SCIN: variants seen among roughly 807,000 people sequenced by gnomAD.
SCIN encodes the protein scinderin.
A neutral mutation model predicts 91.8 loss-of-function variants in SCIN; 91 were observed. The observed-to-expected ratio is 0.99, with a 90% CI of 0.84 to 1.18. The LOEUF (loss-of-function observed/expected upper bound fraction) is 1.18. Among genes scored for constraint, SCIN ranks in the 50% most tolerant of loss-of-function variants. The pLI is 0.00. For missense variants in SCIN, 1,087 were observed against 863.9 expected (o/e 1.26, Z -3.24); for synonymous variants, 367 against 312.6 (o/e 1.17, Z -1.84).
In SCIN at chr7:12,651,868, A is replaced by C. The variant is rs756686880; in HGVS notation, c.1987A>C (p.Asn663His). The C allele has an allele frequency of 6.2e-7, 1 of 1,601,330 alleles. No individual in the cohort carries two copies. The highest frequency in any genetic ancestry group is 8.5e-7 in the Non-Finnish European group (1 of 1,171,566). Residue 663 changes from asparagine to histidine, a missense_variant, in exon 15 of 16, where the codon AAT (asparagine) becomes CAT (histidine). Physicochemically the swap from Asn to His is moderately conservative, Grantham distance 68 (BLOSUM62 1). Coordinates refer to ENST00000297029, the MANE Select transcript of SCIN (RefSeq NM_001112706.3). The surrounding 1 kb of genome is among the most constrained non-coding windows in gnomAD (Gnocchi z 5.9). ...QIFIWIGKDANEVEKKESLKS... is the reference protein window; with the variant it reads ...QIFIWIGKDAHEVEKKESLKS... ...ATTTATTTGGATTGGCAAAGATGCT[A>C]ATGAAGTTGAGAAAAAAGAATCTCT...
At chr7:12,588,841 G>GGGT (rs1782652475) in intron 3 of SCIN, 1 of 100,888 alleles carries the variant, frequency 9.9e-6, no homozygotes. Context: ...GGGTGGGAAG[G>GGGT]GGGAGGGGTT....
intron 3 of SCIN, among the ~76,000 whole-genome samples, chr7:12,591,152 G>C (rs1233252460): frequency 1.3e-5 from 2 of 152,178 alleles, no homozygotes; most frequent in South Asian, 2.1e-4. Context: ...GATATCAGTG[G>C]AAGAATGAGT....
intron 7 of SCIN, 172 bp from the exon 8 acceptor site, chr7:12,626,412 A>G (rs1783522641): frequency 1.7e-6 from 1 of 578,258 alleles, no homozygotes; most frequent in East Asian, 2.9e-5. Context: ...CAAATATTCA[A>G]ATTCAGCGGC....
chr7:12,643,301 T>G (rs1207121528), intron 11 of SCIN, among the ~76,000 whole-genome samples: 3 of 152,208 alleles, frequency 2.0e-5, no homozygotes, highest in African/African-American at 7.2e-5. Flanking sequence ...TAGATCTCAT[T>G]TCCTGATCTC....
chr7:12,604,420 T>G (rs1783028234), intron 3 of SCIN, 94 bp from the exon 4 acceptor site: 1 of 1,103,560 alleles, frequency 9.1e-7, no homozygotes, highest in Non-Finnish European at 1.3e-6. Flanking sequence ...CATTTAATTT[T>G]CCTTTTTCTT....
chr7:12,630,545 C>T (rs894211769), intron 9 of SCIN, among the ~76,000 whole-genome samples: 7 of 152,290 alleles, frequency 4.6e-5, no homozygotes, highest in East Asian at 1.9e-4. Context: ...GAACCACCAC[C>T]GCACCCAGAA....
intron 14 of SCIN, among the ~76,000 whole-genome samples, chr7:12,650,476 T>C (rs80236580): frequency 0.032 from 4,842 of 152,358 alleles, 260 homozygotes; most frequent in African/African-American, 0.11. Flanking sequence ...AGATTTCCCA[T>C]GCCACATTTC....
At chr7:12,571,708 G>GTTATTAT (rs1363844193) in intron 1 of SCIN, 70 of 282,520 alleles carry the variant, frequency 2.5e-4, no homozygotes, top group African/African-American at 1.5e-3. Flanking sequence ...CTGCTTTATT[G>GTTATTAT]TTATTATTTA....
At chr7:12,599,435 G>C (rs2115244361) in intron 3 of SCIN, among the ~76,000 whole-genome samples, 1 of 151,980 alleles carries the variant, frequency 6.6e-6, no homozygotes, top group East Asian at 1.9e-4. Flanking sequence ...ATGGGCATTT[G>C]GGCTGGTCCC....
rs930495109 is a variant in SCIN at position 12,654,245 on chromosome 7, C to T, written c.*1530C>T. On this transcript the variant is annotated 3_prime_UTR_variant, in exon 16 of 16. Coordinates refer to ENST00000297029, the MANE Select transcript of SCIN (RefSeq NM_001112706.3). ...AATGGACTATGGTAGAAGCTGCTGT[C>T]CCTTAGTATTGAATATCTCTATTTT... 2 of 152,160 alleles carry T rather than the reference C, an allele frequency of 1.3e-5. No individual in the cohort carries two copies. Among genetic ancestry groups the T allele is most frequent in the Non-Finnish European group, 2.9e-5 (2 of 68,022 alleles). The allele number at this position is 152,160 out of a possible 1,614,324, so 9.4% of individuals were successfully genotyped here. A position where few individuals can be genotyped will look rare whatever the true frequency, so the allele number is the denominator to read the frequency against.
At chr7:12,635,695 T>C (rs1783737572) in intron 9 of SCIN, among the ~76,000 whole-genome samples, 1 of 150,502 alleles carries the variant, frequency 6.6e-6, no homozygotes. Context: ...TTGGCTCGTA[T>C]TTTCATCTCA....
intron 9 of SCIN, 67 bp from the exon 10 acceptor site, chr7:12,635,978 C>T (rs1583315515): frequency 4.6e-6 from 5 of 1,092,976 alleles, no homozygotes; most frequent in Non-Finnish European, 6.9e-6. Context: ...TCTCTGCTTG[C>T]AATGCCTACA....
At chr7:12,624,900 C>A in intron 5 of SCIN, 110 bp from the exon 6 acceptor site, 2 of 1,077,788 alleles carry the variant, frequency 1.9e-6, no homozygotes, top group Non-Finnish European at 1.3e-6. Context: ...CAATTCAATG[C>A]TTTTTATTTG....
chr7:12,594,979 A>T (rs1194995236), intron 3 of SCIN, among the ~76,000 whole-genome samples: 1 of 152,002 alleles, frequency 6.6e-6, no homozygotes, highest in African/African-American at 2.4e-5. Flanking sequence ...ATTTTGGGAG[A>T]TCCTTAGGGT....
intron 1 of SCIN, among the ~76,000 whole-genome samples, chr7:12,576,006 C>T (rs1782362282): frequency 1.3e-5 from 2 of 152,252 alleles, no homozygotes; most frequent in South Asian, 2.1e-4. Context: ...AATTAACTTA[C>T]TTTCAGTTCA....
At chr7:12,609,457 G>A (rs1783147134) in intron 4 of SCIN, among the ~76,000 whole-genome samples, 1 of 151,764 alleles carries the variant, frequency 6.6e-6, no homozygotes, top group South Asian at 2.1e-4. Context: ...TAGCCCTAAG[G>A]TCCCAAACTT....
intron 3 of SCIN, among the ~76,000 whole-genome samples, chr7:12,587,670 G>A (rs1035653542): frequency 5.9e-5 from 9 of 152,162 alleles, no homozygotes; most frequent in African/African-American, 2.2e-4. Context: ...TTGGCCCAGT[G>A]GCTTGGATGC....
chr7:12,590,371 A>G (rs1249845231), intron 3 of SCIN, among the ~76,000 whole-genome samples: 1 of 152,050 alleles, frequency 6.6e-6, no homozygotes. Context: ...CTTGGGAGGA[A>G]GTAACAGAGC....
intron 10 of SCIN, among the ~76,000 whole-genome samples, chr7:12,637,422 G>A (rs1783773423): frequency 6.6e-6 from 1 of 152,130 alleles, no homozygotes; most frequent in South Asian, 2.1e-4. Context: ...CCAAAAGTGA[G>A]GGAGGAAGTG....
Sources: allele counts gnomAD v4.1 joint callset (sites outside exome capture counted in the v4.1 genomes callset), GRCh38; gene constraint gnomAD v4.1.1; non-coding constraint Gnocchi (gnomAD v3.1); transcripts MANE v1.5; gene names NCBI Gene and HGNC (gene_info 2026-07-23, HGNC 2026-07-21).